The following SLC6A17 variants were observed in gnomAD, a reference collection of about 807,000 sequenced individuals.
SLC6A17 encodes solute carrier family 6 member 17.
SLC6A17 carries 21 observed loss-of-function variants against 64.5 expected under a neutral mutation model. That is an observed-to-expected ratio of 0.33 (90% confidence interval 0.23 to 0.47). The LOEUF (loss-of-function observed/expected upper bound fraction) is 0.47, where lower values mean the gene tolerates loss of function less well. Among genes scored for constraint, SLC6A17 ranks in the 20% least tolerant of loss-of-function variants. The pLI is 1.00. For missense variants in SLC6A17, 682 were observed against 963.2 expected, an observed-to-expected ratio of 0.71 and a Z score of 3.86; for synonymous variants, 372 against 399.5, an observed-to-expected ratio of 0.93 and a Z score of 0.82.
At chr1:110,161,222 G>A (rs906596019) in intron 1 of SLC6A17, among the ~76,000 whole-genome samples, 3 of 152,242 alleles carry the variant, frequency 2.0e-5, no homozygotes, top group African/African-American at 7.2e-5. Context: ...TTTGGGCTCA[G>A]TAAAAGCTCA....
chr1:110,192,347 C>T lies in SLC6A17; in HGVS notation c.1106+134C>T, dbSNP rs2100948005. The T allele has an allele frequency of 2.1e-6, 3 of 1,461,582 alleles. No individual in the cohort carries two copies. Among genetic ancestry groups the T allele is most frequent in the Non-Finnish European group, 2.8e-6 (3 of 1,078,874 alleles). The allele number at this position is 1,461,582 out of a possible 1,614,324, so 90.5% of individuals were successfully genotyped here. On this transcript the variant is annotated intron_variant, in intron 7 of 11. Coordinates refer to ENST00000331565, the MANE Select transcript of SLC6A17 (RefSeq NM_001010898.4). The surrounding 1 kb of genome is among the most constrained non-coding windows in gnomAD (Gnocchi z 4.3). Reference sequence around the variant, plus strand: ...GACTGAGGAATGGAGATCAGAGGAGCACTCTCTGTCCCCAGCTCCGGGCCA... The same window carrying T: ...GACTGAGGAATGGAGATCAGAGGAGTACTCTCTGTCCCCAGCTCCGGGCCA...
chr1:110,195,082 C>T (rs1656925392), intron 9 of SLC6A17: 3 of 460,180 alleles, frequency 6.5e-6, no homozygotes, highest in Non-Finnish European at 8.0e-6. Context: ...TCGTCTTGGG[C>T]AGGGGCACTC....
At chr1:110,172,377 A>G in intron 3 of SLC6A17, 160 bp downstream of exon 3, 1 of 888,870 alleles carries the variant, frequency 1.1e-6, no homozygotes. Context: ...GGGTTCCAGG[A>G]CCCCAGTCAC....
At chr1:110,152,854 T>C (rs551744642) in intron 1 of SLC6A17, among the ~76,000 whole-genome samples, 1 of 152,324 alleles carries the variant, frequency 6.6e-6, no homozygotes, top group South Asian at 2.1e-4. Flanking sequence ...CCTTCCCTTA[T>C]GGGCCTTAAC....
chr1:110,155,067 G>A (rs12117496), intron 1 of SLC6A17, among the ~76,000 whole-genome samples: 1 of 152,120 alleles, frequency 6.6e-6, no homozygotes, highest in Non-Finnish European at 1.5e-5. Flanking sequence ...GCCATCCCCA[G>A]AACAGGCCCA....
Position 110,172,505 on chromosome 1 carries a change from C to T in SLC6A17, c.444+288C>T, listed in dbSNP as rs150451362. 1.2e-3 allele frequency: 440 copies of T among 353,668 alleles called. 6 individuals are homozygous for T. The highest frequency in any genetic ancestry group is 8.4e-3 in the African/African-American group (402 of 47,636). 21.9% of individuals were successfully genotyped at this position (353,668 alleles called of 1,614,324 possible). A position where few individuals can be genotyped will look rare whatever the true frequency, so the allele number is the denominator to read the frequency against. ...CATGGGGCCGCCTGGGACAGCTCAGCCAGAGTTCTCTGGGAACATATGGAC... is the reference window on the plus strand; with the variant it reads ...CATGGGGCCGCCTGGGACAGCTCAGTCAGAGTTCTCTGGGAACATATGGAC... On this transcript the variant is annotated intron_variant, in intron 3 of 11. Coordinates refer to ENST00000331565, the MANE Select transcript of SLC6A17 (RefSeq NM_001010898.4).
chr1:110,195,629 C>G lies in SLC6A17; in HGVS notation c.1536C>G (p.Val512=). The change falls in exon 10 of 12, where the codon GTC becomes GTG. Residue 512 remains valine, a synonymous_variant. Transcript: ENST00000331565. The part of the protein sequence containing the change: ...VFAFLVGLLF[V]QRSGNYFVTM... ...CATTCCTCGTGGGGCTGTTGTTCGT[C>G]CAGCGCTCCGGAAACTACTTTGTCA... 1 of 1,614,226 alleles carries G rather than the reference C, an allele frequency of 6.2e-7. No individual in the cohort carries two copies.
chr1:110,162,883 C>T (rs1432295501), intron 1 of SLC6A17, among the ~76,000 whole-genome samples: 1 of 151,838 alleles, frequency 6.6e-6, no homozygotes, highest in Non-Finnish European at 1.5e-5. Flanking sequence ...CCGCTGGCAC[C>T]CTCCCTTGAC....
chr1:110,188,691 A>G (rs891941260), intron 6 of SLC6A17, among the ~76,000 whole-genome samples: 2 of 152,188 alleles, frequency 1.3e-5, no homozygotes, highest in Admixed American at 6.5e-5. Flanking sequence ...AAGACACTCC[A>G]TTGAAAACAA....
chr1:110,161,192 C>G (rs1447057805), intron 1 of SLC6A17, among the ~76,000 whole-genome samples: 1 of 152,166 alleles, frequency 6.6e-6, no homozygotes, highest in African/African-American at 2.4e-5. Flanking sequence ...ATTTGTGTCT[C>G]TGATAATAGT....
intron 1 of SLC6A17, among the ~76,000 whole-genome samples, chr1:110,160,390 G>A (rs866750128): frequency 6.6e-6 from 1 of 152,306 alleles, no homozygotes; most frequent in African/African-American, 2.4e-5. Flanking sequence ...TGGAAGGCAG[G>A]GACCCTAGAA....
In SLC6A17 at chr1:110,192,704, G is replaced by A. The variant is rs1202339171; in HGVS notation, c.1299+6G>A. The A allele has an allele frequency of 1.2e-6, 2 of 1,609,802 alleles. No individual in the cohort carries two copies. Among genetic ancestry groups the A allele is most frequent in the Non-Finnish European group, 1.7e-6 (2 of 1,177,364 alleles). ...TGGAGGACGAGCTGGACAAGGTGCG[G>A]GGACAGGCTGCCCTTCCCAGGACAG... On this transcript the variant is annotated splice_donor_region_variant and intron_variant, in intron 8 of 11. Transcript: ENST00000331565. This position sits in a 1 kb window ranked among gnomAD's most constrained non-coding sequence, Gnocchi z 4.3.
At chr1:110,173,871 C>T (rs932480376) in intron 3 of SLC6A17, 102 bp from the exon 4 acceptor site, 2 of 1,509,356 alleles carry the variant, frequency 1.3e-6, no homozygotes, top group Non-Finnish European at 1.8e-6. Context: ...GGCTGTGCTG[C>T]TGTGTTTATG....
At chr1:110,151,300 C>T (rs1438528766) in intron 1 of SLC6A17, among the ~76,000 whole-genome samples, 1 of 152,272 alleles carries the variant, frequency 6.6e-6, no homozygotes, top group Admixed American at 6.5e-5. Flanking sequence ...TCTTACGCAG[C>T]TGGAGACCCC....
In SLC6A17 at chr1:110,192,836, C is replaced by A; in HGVS notation, c.1299+138C>A. 1 of 1,024,564 alleles carries A rather than the reference C, an allele frequency of 9.8e-7. No individual in the cohort carries two copies. The highest frequency in any genetic ancestry group is 1.4e-6 in the Non-Finnish European group (1 of 725,774). 63.5% of individuals were successfully genotyped at this position (1,024,564 alleles called of 1,614,324 possible). A position where few individuals can be genotyped will look rare whatever the true frequency, so the allele number is the denominator to read the frequency against. ...TGGTAAGCAAGGATCTGCTGTGTGT[C>A]CAGAGGGAGTGAAAGGGAAGAAAGG... On this transcript the variant is annotated intron_variant, in intron 8 of 11. Coordinates refer to ENST00000331565, the MANE Select transcript of SLC6A17 (RefSeq NM_001010898.4). This position sits in a 1 kb window ranked among gnomAD's most constrained non-coding sequence, Gnocchi z 4.3.
Position 110,192,810 on chromosome 1 carries a change from T to G in SLC6A17, c.1299+112T>G. 8.2e-7 allele frequency: 1 copy of G among 1,217,998 alleles called. No homozygotes were observed. The highest frequency in any genetic ancestry group is 1.5e-5 in the African/African-American group (1 of 65,586). 75.4% of individuals were successfully genotyped at this position (1,217,998 alleles called of 1,614,324 possible). ...TGCTGACAGGTAGTCATTAGTTTAC[T>G]TGGTAAGCAAGGATCTGCTGTGTGT... On this transcript the variant is annotated intron_variant, in intron 8 of 11. Transcript: ENST00000331565. The surrounding 1 kb of genome is among the most constrained non-coding windows in gnomAD (Gnocchi z 4.3).
rs1469334445 is a variant in SLC6A17, at chr1:110,200,397, C to T, written c.*1953C>T. 3.3e-6 allele frequency: 1 copy of T among 304,556 alleles called. No individual in the cohort carries two copies. Among genetic ancestry groups the T allele is most frequent in the African/African-American group, 2.1e-5 (1 of 46,676 alleles). The allele number at this position is 304,556 out of a possible 1,614,324, so 18.9% of individuals were successfully genotyped here. On this transcript the variant is annotated 3_prime_UTR_variant, in exon 12 of 12. Coordinates refer to ENST00000331565, the MANE Select transcript of SLC6A17 (RefSeq NM_001010898.4). ...CCCCTCACCCGACAACACCTCCTAC[C>T]TGGCCCCTTGCCAAATCCCAAGCAG...
chr1:110,200,373 C>T lies in SLC6A17; in HGVS notation c.*1929C>T. Reference sequence around the variant, plus strand: ...GGGGCACAACATCCCACCGCAGTCCCCCTCACCCGACAACACCTCCTACCT... The same window carrying T: ...GGGGCACAACATCCCACCGCAGTCCTCCTCACCCGACAACACCTCCTACCT... On this transcript the variant is annotated 3_prime_UTR_variant, in exon 12 of 12. Transcript: ENST00000331565. 1 of 330,154 alleles carries T rather than the reference C, an allele frequency of 3.0e-6. No individual in the cohort carries two copies. Among genetic ancestry groups the T allele is most frequent in the East Asian group, 4.6e-5 (1 of 21,652 alleles). 20.5% of individuals were successfully genotyped at this position (330,154 alleles called of 1,614,324 possible).
At chr1:110,187,067 T>C (rs1656703371) in intron 6 of SLC6A17, among the ~76,000 whole-genome samples, 1 of 151,988 alleles carries the variant, frequency 6.6e-6, no homozygotes, top group African/African-American at 2.4e-5. Flanking sequence ...TGGGGAACCA[T>C]CAGATATTTT....
Sources: allele counts gnomAD v4.1 joint callset (sites outside exome capture counted in the v4.1 genomes callset), GRCh38; gene constraint gnomAD v4.1.1; non-coding constraint Gnocchi (gnomAD v3.1); transcripts MANE v1.5; gene names NCBI Gene and HGNC (gene_info 2026-07-23, HGNC 2026-07-21).